The following INTS9 variants were observed in gnomAD, a reference collection of about 807,000 sequenced individuals.
The protein encoded by INTS9 is protein related to CPSF subunits of 74 kDa.
INTS9 carries 55 observed loss-of-function variants against 79.7 expected under a neutral mutation model. That is an observed-to-expected ratio of 0.69 (90% CI 0.56 to 0.86). The LOEUF (loss-of-function observed/expected upper bound fraction) is 0.86. Ranked by LOEUF, INTS9 falls within the 40% of genes least tolerant of loss-of-function variation. The pLI, the probability that INTS9 is intolerant of heterozygous loss-of-function variation, is 0.00. For missense variants in INTS9, 721 were observed against 831.5 expected, an observed-to-expected ratio of 0.87 and a Z score of 1.64; for synonymous variants, 319 against 325.2, an observed-to-expected ratio of 0.98 and a Z score of 0.20.
At chr8:28,806,541 T>C (rs920420603) in intron 8 of INTS9, among the ~76,000 whole-genome samples, 3 of 152,098 alleles carry the variant, frequency 2.0e-5, no homozygotes, top group African/African-American at 7.2e-5. Flanking sequence ...CAAATACATA[T>C]AGAAATATTT....
At chr8:28,793,709 C>G in intron 10 of INTS9, 98 bp downstream of exon 10, 1 of 1,116,964 alleles carries the variant, frequency 9.0e-7, no homozygotes, top group Non-Finnish European at 1.2e-6. Flanking sequence ...GAAATTTCCA[C>G]AGTAATGTGA....
chr8:28,889,716 C>G (rs956269223), intron 1 of INTS9, 158 bp downstream of exon 1: 2 of 733,136 alleles, frequency 2.7e-6, no homozygotes, highest in Admixed American at 2.9e-5. Context: ...TTCAAACCTT[C>G]TCAACAACAA....
intron 15 of INTS9, among the ~76,000 whole-genome samples, chr8:28,770,398 G>C (rs1269054695): frequency 1.3e-5 from 2 of 152,206 alleles, no homozygotes; most frequent in Non-Finnish European, 2.9e-5. Context: ...CAGACCAAAG[G>C]GGGAAACCCC....
intron 14 of INTS9, among the ~76,000 whole-genome samples, chr8:28,772,574 G>A (rs891156627): frequency 1.2e-4 from 18 of 151,948 alleles, no homozygotes; most frequent in African/African-American, 3.6e-4. Flanking sequence ...TTGGGAGGCC[G>A]AGGTGGGTAG....
chr8:28,874,606 A>C (rs537851529), intron 1 of INTS9, among the ~76,000 whole-genome samples: 171 of 152,140 alleles, frequency 1.1e-3, no homozygotes, highest in African/African-American at 3.9e-3. Context: ...TTAAACTCTT[A>C]AACTTCCTTG....
rs7000935 is a variant in INTS9 at position 28,854,493 on chromosome 8, A to C, written c.138-4220T>G. Among the ~76,000 whole-genome samples the C allele has an allele frequency of 7.7e-3, 1,172 of 152,194 alleles. 17 individuals are homozygous for C. The highest frequency in any genetic ancestry group is 0.027 in the African/African-American group (1,125 of 41,518). On this transcript the variant is annotated intron_variant, in intron 2 of 16. Transcript: ENST00000521022. ...GAGTTAGGAAGTGAAGGTAGAGGAGATCTTTCAAGAAGAAGGAAACAGGGA... is the reference window on the plus strand; with the variant it reads ...GAGTTAGGAAGTGAAGGTAGAGGAGCTCTTTCAAGAAGAAGGAAACAGGGA...
At chr8:28,776,012 C>T in intron 13 of INTS9, 86 bp from the exon 14 acceptor site, 1 of 1,073,118 alleles carries the variant, frequency 9.3e-7, no homozygotes, top group Non-Finnish European at 1.3e-6. Flanking sequence ...CGATCCACTC[C>T]CCGCCATTAC....
intron 1 of INTS9, chr8:28,862,089 C>T (rs1808494058): frequency 7.1e-6 from 7 of 985,342 alleles, no homozygotes; most frequent in Non-Finnish European, 8.4e-6. Context: ...CTGAGGTTCA[C>T]ACACTTGTAC....
chr8:28,802,145 T>C (rs1266213659), intron 8 of INTS9, among the ~76,000 whole-genome samples: 7 of 152,230 alleles, frequency 4.6e-5, no homozygotes, highest in Non-Finnish European at 8.8e-5. Flanking sequence ...ATTCATTTTC[T>C]TTTATTTCAT....
intron 10 of INTS9, among the ~76,000 whole-genome samples, chr8:28,790,774 C>T (rs567247283): frequency 2.2e-4 from 34 of 152,360 alleles, no homozygotes; most frequent in African/African-American, 7.0e-4. Flanking sequence ...CAATCCCATT[C>T]ATTCTTGTGG....
chr8:28,885,552 G>C (rs1375257264), intron 1 of INTS9, among the ~76,000 whole-genome samples: 2 of 152,218 alleles, frequency 1.3e-5, no homozygotes, highest in Non-Finnish European at 2.9e-5. Flanking sequence ...GAATAAGCCA[G>C]AAGATTCTCT....
chr8:28,801,690 C>T (rs1485491733), intron 8 of INTS9, among the ~76,000 whole-genome samples: 1 of 152,178 alleles, frequency 6.6e-6, no homozygotes, highest in African/African-American at 2.4e-5. Context: ...CAGCTCACTG[C>T]AGCCTCAACC....
At chr8:28,861,432 C>G (rs879824337) in intron 1 of INTS9, among the ~76,000 whole-genome samples, 9 of 151,996 alleles carry the variant, frequency 5.9e-5, no homozygotes, top group Non-Finnish European at 7.4e-5. Context: ...TCTCTCCTTT[C>G]AAAAATAAGA....
chr8:28,813,539 T>A lies in INTS9; in HGVS notation c.562A>T (p.Asn188Tyr), dbSNP rs1172931793. 6.2e-7 allele frequency: 1 copy of A among 1,613,636 alleles called. No individual in the cohort carries two copies. The highest frequency in any genetic ancestry group is 2.2e-5 in the East Asian group (1 of 44,874). Residue 188 changes from asparagine to tyrosine, a missense_variant, in exon 7 of 17, where the codon AAC (asparagine) becomes TAC (tyrosine). By Grantham distance (143) the Asn-to-Tyr change is moderately radical. Transcript: ENST00000521022. Reference sequence around the variant, plus strand: ...AGCTGGATTTTACTAAGGGCAGAGTTCACCTCTTGCATTGTATAGCATCTT... The same window carrying A: ...AGCTGGATTTTACTAAGGGCAGAGTACACCTCTTGCATTGTATAGCATCTT... ...WRRCYTMQEV[N>Y]SALSKIQLVG...
At chr8:28,768,485 T>C in intron 16 of INTS9, 163 bp from the exon 17 acceptor site, 1 of 663,390 alleles carries the variant, frequency 1.5e-6, no homozygotes, top group Admixed American at 2.7e-5. Context: ...TTCTTATACT[T>C]GAAAAGAGAC....
intron 8 of INTS9, among the ~76,000 whole-genome samples, chr8:28,801,362 C>A (rs376668620): frequency 6.6e-6 from 1 of 151,952 alleles, no homozygotes; most frequent in Non-Finnish European, 1.5e-5. Context: ...TGGTGGTGTG[C>A]GCCTATACCT....
rs1041852155 is a variant in INTS9 at position 28,829,986 on chromosome 8, C to G, written c.488+5306G>C. 5.1e-4 allele frequency among the ~76,000 whole-genome samples: 78 copies of G among 151,672 alleles called. 1 individual carries two copies. The highest frequency in any genetic ancestry group is 1.8e-4 in the Non-Finnish European group (12 of 67,974). On this transcript the variant is annotated intron_variant, in intron 6 of 16. Coordinates refer to ENST00000521022, the MANE Select transcript of INTS9 (RefSeq NM_018250.4). ...ACTCCTGTGTGTACCTTCCCCAGCC[C>G]TGTAGGCATTGTAGACCTGTGATCC...
chr8:28,768,806 G>C (rs1284881948), intron 16 of INTS9, among the ~76,000 whole-genome samples: 1 of 152,220 alleles, frequency 6.6e-6, no homozygotes, highest in East Asian at 1.9e-4. Flanking sequence ...TTACAAATCA[G>C]ACGTGACATG....
intron 12 of INTS9, chr8:28,780,519 G>C: frequency 3.0e-6 from 3 of 985,314 alleles, no homozygotes; most frequent in Non-Finnish European, 3.6e-6. Context: ...AAACAACACC[G>C]TTACTGAATC....
Sources: allele counts gnomAD v4.1 joint callset (sites outside exome capture counted in the v4.1 genomes callset), GRCh38; gene constraint gnomAD v4.1.1; transcripts MANE v1.5; gene names NCBI Gene and HGNC (gene_info 2026-07-23, HGNC 2026-07-21).